The following FAM186B variants were observed in gnomAD, a reference collection of about 807,000 sequenced individuals.
FAM186B encodes protein FAM186B.
Under a neutral mutation model 83.4 loss-of-function variants are expected in FAM186B, and 68 were observed. That is an observed-to-expected ratio of 0.81 (90% CI 0.67 to 1.00). FAM186B has a LOEUF of 1.00. Among genes scored for constraint, FAM186B ranks in the 50% least tolerant of loss-of-function variants. The pLI, the probability that FAM186B is intolerant of heterozygous loss-of-function variation, is 0.00. For synonymous variants in FAM186B, 389 were observed against 422.0 expected (o/e 0.92, Z 0.96); for missense variants, 983 against 1,099.2 (o/e 0.89, Z 1.49).
rs1939471555 is a variant in FAM186B at position 49,587,522 on chromosome 12, A to T, written c.*83T>A. On this transcript the variant is annotated 3_prime_UTR_variant, in exon 7 of 7. Transcript: ENST00000257894. ...GGTCATTGTTAAAGCCTGGAGAGAG[A>T]TTTATTGGGGAGAATCCACATTGAC... The T allele has an allele frequency of 1.9e-6, 3 of 1,560,036 alleles. No individual in the cohort carries two copies. Among genetic ancestry groups the T allele is most frequent in the Non-Finnish European group, 1.8e-6 (2 of 1,131,214 alleles).
chr12:49,587,902 C>CT (rs780517043), intron 6 of FAM186B, 150 bp from the exon 7 acceptor site: 62 of 893,826 alleles, frequency 6.9e-5, no homozygotes, highest in East Asian at 3.2e-4. Flanking sequence ...CCCTCCAACA[C>CT]TGAGTCTGAA....
chr12:49,621,395 G>T, the FAM186B span, among the ~76,000 whole-genome samples: 1 of 152,080 alleles, frequency 6.6e-6, no homozygotes, highest in Non-Finnish European at 1.5e-5. Flanking sequence ...AACAACAAAA[G>T]AATGAGGCAA....
At chr12:49,597,711 G>A (rs1335558845) in intron 5 of FAM186B, among the ~76,000 whole-genome samples, 2 of 152,128 alleles carry the variant, frequency 1.3e-5, no homozygotes, top group African/African-American at 4.8e-5. Context: ...ATCTTATAAT[G>A]TCATGTTATA....
At chr12:49,604,101 G>A (rs1406284685) in intron 2 of FAM186B, 6 of 553,116 alleles carry the variant, frequency 1.1e-5, no homozygotes, top group Admixed American at 3.1e-5. Flanking sequence ...TAATGGACCC[G>A]TGACTTAGGC....
the FAM186B span, among the ~76,000 whole-genome samples, chr12:49,620,156 G>C: frequency 6.6e-6 from 1 of 152,114 alleles, no homozygotes; most frequent in African/African-American, 2.4e-5. Flanking sequence ...TAACACAAAA[G>C]AAACATGTCA....
upstream of FAM186B, among the ~76,000 whole-genome samples, chr12:49,606,704 C>G (rs972727995): frequency 2.0e-5 from 3 of 152,170 alleles, no homozygotes; most frequent in Non-Finnish European, 2.9e-5. Flanking sequence ...TCCAGCACTT[C>G]TCTTGCAGGA....
intron 1 of FAM186B, 122 bp downstream of exon 1, chr12:49,605,260 G>A (rs1191040517): frequency 3.3e-6 from 5 of 1,531,546 alleles, no homozygotes; most frequent in Non-Finnish European, 3.5e-6. Flanking sequence ...GCAGACCCAG[G>A]TTGCTGAATA....
rs199750518 is a variant in FAM186B, at chr12:49,600,642, T to G, written c.998A>C (p.Glu333Ala). Reference sequence around the variant, plus strand: ...GGGACCTGGGGAGTCAACAGAAACCTCAGCCAGGTCTTCTGCCTGACCTGT... The same window carrying G: ...GGGACCTGGGGAGTCAACAGAAACCGCAGCCAGGTCTTCTGCCTGACCTGT... ...NATGQAEDLA[E>A]VSVDSPGPSE... Residue 333 changes from glutamate (E) to alanine (A), a missense_variant, in exon 4 of 7, where the codon GAG becomes GCG. Physicochemically the swap from Glu to Ala is moderately radical, Grantham distance 107. Coordinates refer to ENST00000257894, the MANE Select transcript of FAM186B (RefSeq NM_032130.3). This position sits in a 1 kb window ranked among gnomAD's most constrained non-coding sequence, Gnocchi z 4.3. 6.2e-7 allele frequency: 1 copy of G among 1,613,784 alleles called. No homozygotes were observed. The highest frequency in any genetic ancestry group is 2.2e-5 in the East Asian group (1 of 44,870).
the FAM186B span, chr12:49,619,667 CTTTTTTTTTTTTTT>C: frequency 4.2e-5 from 6 of 143,180 alleles, no homozygotes; most frequent in East Asian, 2.2e-4. Context: ...TTAGACATCT[CTTTTTTTTTTTTTT>C]TTTTTTTTTT....
At chr12:49,605,732 T>A, upstream of FAM186B, 1 of 338,334 alleles carries the variant, frequency 3.0e-6, no homozygotes, top group East Asian at 5.5e-5. Flanking sequence ...TTACCTAACA[T>A]ATATTTACTT....
At position 49,605,622 on chromosome 12, in the gene FAM186B, A is replaced by G. The variant is rs1490174116; in HGVS notation, c.-145T>C. ...AGGCACAGCTCCTCTGGTAACTGCC[A>G]AACACCAGGTTCCAACTGATCCTCT... On this transcript the variant is annotated 5_prime_UTR_variant, in exon 1 of 7. Coordinates refer to ENST00000257894, the MANE Select transcript of FAM186B (RefSeq NM_032130.3). The G allele has an allele frequency of 4.0e-6, 3 of 751,976 alleles. No individual in the cohort carries two copies. In the African/African-American group the frequency reaches 5.3e-5, roughly 13 times the overall value. The allele number at this position is 751,976 out of a possible 1,614,324, so 46.6% of individuals were successfully genotyped here.
At chr12:49,595,976 T>G (rs1939711137) in intron 5 of FAM186B, among the ~76,000 whole-genome samples, 1 of 152,008 alleles carries the variant, frequency 6.6e-6, no homozygotes, top group South Asian at 2.1e-4. Context: ...AGAGCGAGAC[T>G]CCGTCTCAAA....
chr12:49,607,509 C>T (rs1360404977), upstream of FAM186B, among the ~76,000 whole-genome samples: 1 of 151,904 alleles, frequency 6.6e-6, no homozygotes, highest in Non-Finnish European at 1.5e-5. Flanking sequence ...CGTAAATCTA[C>T]TAAAGAAATT....
intron 1 of FAM186B, 153 bp downstream of exon 1, chr12:49,605,229 A>G: frequency 6.8e-7 from 1 of 1,475,270 alleles, no homozygotes; most frequent in South Asian, 1.4e-5. Context: ...TAGGAGAGAG[A>G]TAATTTATAC....
chr12:49,595,851 G>A (rs768193666), intron 5 of FAM186B, among the ~76,000 whole-genome samples: 6 of 152,146 alleles, frequency 3.9e-5, no homozygotes, highest in Non-Finnish European at 8.8e-5. Flanking sequence ...CGGGCGTGGC[G>A]GTGGGTGCCC....
chr12:49,605,634 C>T lies in FAM186B; in HGVS notation c.-157G>A, dbSNP rs1206686897. The T allele has an allele frequency of 1.5e-6, 1 of 649,218 alleles. No individual in the cohort carries two copies. The highest frequency in any genetic ancestry group is 2.6e-6 in the Non-Finnish European group (1 of 389,198). The allele number at this position is 649,218 out of a possible 1,614,324, so 40.2% of individuals were successfully genotyped here. On this transcript the variant is annotated 5_prime_UTR_variant, in exon 1 of 7. Coordinates refer to ENST00000257894, the MANE Select transcript of FAM186B (RefSeq NM_032130.3). ...TCTGGTAACTGCCAAACACCAGGTT[C>T]CAACTGATCCTCTTTTCCCCAGTGA...
the FAM186B span, among the ~76,000 whole-genome samples, chr12:49,618,190 C>T: frequency 6.6e-6 from 1 of 151,980 alleles, no homozygotes; most frequent in South Asian, 2.1e-4. Context: ...ACTAAAAATA[C>T]AAAAATTAGC....
chr12:49,607,078 A>G (rs1940038936), upstream of FAM186B, among the ~76,000 whole-genome samples: 1 of 152,168 alleles, frequency 6.6e-6, no homozygotes, highest in African/African-American at 2.4e-5. Context: ...TGAACCGAGC[A>G]AAAATAGAAA....
At chr12:49,622,484 G>C in the FAM186B span, among the ~76,000 whole-genome samples, 1 of 152,232 alleles carries the variant, frequency 6.6e-6, no homozygotes, top group African/African-American at 2.4e-5. Context: ...TCCAGCCTGG[G>C]TGACAGATCA....
Sources: allele counts gnomAD v4.1 joint callset (sites outside exome capture counted in the v4.1 genomes callset), GRCh38; gene constraint gnomAD v4.1.1; non-coding constraint Gnocchi (gnomAD v3.1); transcripts MANE v1.5; gene names NCBI Gene and HGNC (gene_info 2026-07-23, HGNC 2026-07-21).